Variants in RYR3 observed in about 807,000 individuals in gnomAD.
RYR3 encodes ryanodine receptor 3.
RYR3 carries 207 observed loss-of-function variants against 584.3 expected under a neutral mutation model. The ratio of observed to expected loss-of-function variants is 0.35; its 90% CI spans 0.32 to 0.40. The LOEUF (loss-of-function observed/expected upper bound fraction) is 0.40, where lower values mean the gene tolerates loss of function less well. Among genes scored for constraint, RYR3 ranks in the 10% least tolerant of loss-of-function variants. The pLI is 1.00. For missense variants in RYR3, 5,616 were observed against 6,089.2 expected (o/e 0.92, Z 2.59); for synonymous variants, 2,416 against 2,248.5 (o/e 1.07, Z -2.11).
At chr15:33,566,608 C>A in intron 11 of RYR3, 70 bp from the exon 12 acceptor site, 2 of 1,521,640 alleles carry the variant, frequency 1.3e-6, no homozygotes, top group Non-Finnish European at 1.8e-6. Context: ...GGCAATACTG[C>A]GGGAAATGTT....
At chr15:33,596,025 A>G (rs1373997517) in intron 16 of RYR3, among the ~76,000 whole-genome samples, 2 of 151,836 alleles carry the variant, frequency 1.3e-5, no homozygotes. Context: ...TAAATTTACC[A>G]TACAAGATTC....
intron 86 of RYR3, among the ~76,000 whole-genome samples, chr15:33,832,940 A>G (rs150150028): frequency 0.01 from 1,522 of 150,930 alleles, 16 homozygotes; most frequent in Middle Eastern, 0.017. Flanking sequence ...CCCAGGAGGC[A>G]GAGGTTGGAG....
chr15:33,396,771 G>T (rs2042325238), intron 1 of RYR3, among the ~76,000 whole-genome samples: 1 of 152,186 alleles, frequency 6.6e-6, no homozygotes, highest in Non-Finnish European at 1.5e-5. Context: ...CCGTCAGTGA[G>T]ATAACAAGTG....
At chr15:33,857,220 G>A (rs1374442407) in intron 98 of RYR3, among the ~76,000 whole-genome samples, 1 of 134,198 alleles carries the variant, frequency 7.5e-6, no homozygotes, top group Non-Finnish European at 1.6e-5. Flanking sequence ...TCTGGAGGCG[G>A]TAAGTAAGTC....
rs117424448 is a variant in RYR3 at position 33,793,201 on chromosome 15, G to T, written c.9830+4743G>T. Among the ~76,000 whole-genome samples the T allele has an allele frequency of 7.7e-4, 118 of 152,332 alleles. 2 individuals carry two copies. The East Asian group carries it at 0.022, about 28-fold the overall frequency. ...AAAAGACGCATAGGGAAATGTATGG[G>T]TGTAGGGGAGTGCAGAACCTCTGTG... On this transcript the variant is annotated intron_variant, in intron 67 of 103. Transcript: ENST00000634891.
intron 48 of RYR3, among the ~76,000 whole-genome samples, chr15:33,734,359 A>G (rs2152826594): frequency 6.6e-6 from 1 of 152,360 alleles, no homozygotes; most frequent in East Asian, 1.9e-4. Context: ...TTGCCGCTTC[A>G]AAAGGAAGAT....
chr15:33,498,674 C>T (rs2051664920), intron 2 of RYR3, among the ~76,000 whole-genome samples: 1 of 152,070 alleles, frequency 6.6e-6, no homozygotes, highest in Non-Finnish European at 1.5e-5. Flanking sequence ...TGTGCACAAG[C>T]TTTTTTGATA....
chr15:33,529,590 C>T (rs1404174721), intron 3 of RYR3, among the ~76,000 whole-genome samples: 1 of 152,136 alleles, frequency 6.6e-6, no homozygotes, highest in Non-Finnish European at 1.5e-5. Flanking sequence ...TAATTTTTAT[C>T]TCAAGCTTTA....
chr15:33,746,134 C>A lies in RYR3; in HGVS notation c.7966C>A (p.Pro2656Thr). 6.3e-7 allele frequency: 1 copy of A among 1,597,818 alleles called. No homozygotes were observed. Among genetic ancestry groups the A allele is most frequent in the South Asian group, 1.1e-5 (1 of 87,442 alleles). The change falls in exon 53 of 104, where the codon CCT becomes ACT. Residue 2656 changes from proline (P) to threonine (T), a missense_variant. Physicochemically the swap from Pro to Thr is conservative, Grantham distance 38 (BLOSUM62 -1). Around this residue, in one of 9 missense-constraint regions of RYR3, gnomAD observed 1,280 missense variants for 1,426.2 expected, o/e 0.90. Transcript: ENST00000634891. ...TGTGAAGACCCACCCACTGATAAGGCCTTTCAAGACATTAACGGAGAAGGT... is the reference window on the plus strand; with the variant it reads ...TGTGAAGACCCACCCACTGATAAGGACTTTCAAGACATTAACGGAGAAGGT... ...ENVKTHPLIR[P>T]FKTLTEKEKE... is the part of the protein sequence containing the mutation.
intron 3 of RYR3, among the ~76,000 whole-genome samples, chr15:33,524,249 C>T (rs1340312686): frequency 2.0e-5 from 3 of 152,154 alleles, no homozygotes; most frequent in Non-Finnish European, 2.9e-5. Flanking sequence ...TCATAGGTTT[C>T]CTTATTCTTG....
At position 33,865,285 on chromosome 15, in the gene RYR3, C is replaced by G. The variant is rs200126350; in HGVS notation, c.*59C>G. The G allele has an allele frequency of 8.1e-7, 1 of 1,228,736 alleles. No individual in the cohort carries two copies. The highest frequency in any genetic ancestry group is 2.3e-5 in the East Asian group (1 of 42,580). The allele number at this position is 1,228,736 out of a possible 1,614,324, so 76.1% of individuals were successfully genotyped here. A position where few individuals can be genotyped will look rare whatever the true frequency, so the allele number is the denominator to read the frequency against. On this transcript the variant is annotated 3_prime_UTR_variant, in exon 104 of 104. Transcript: ENST00000634891. ...GTCAACTTCCCATGAAATAAAGTCC[C>G]CTTTTTACAGTTCTGCAACATATCT... is the stretch of plus-strand genomic sequence containing the variant.
chr15:33,692,246 GA>G (rs540740738), intron 38 of RYR3, among the ~76,000 whole-genome samples: 185 of 152,338 alleles, frequency 1.2e-3, no homozygotes, highest in African/African-American at 4.2e-3. Flanking sequence ...AAAATCTGAA[GA>G]ATTTTTAGTA....
At chr15:33,617,732 A>C (rs1222467817) in intron 19 of RYR3, among the ~76,000 whole-genome samples, 1 of 150,788 alleles carries the variant, frequency 6.6e-6, no homozygotes, top group Non-Finnish European at 1.5e-5. Flanking sequence ...TGTTAATAAT[A>C]CCTGATTAGG....
chr15:33,583,247 A>C (rs371237773), intron 14 of RYR3, among the ~76,000 whole-genome samples: 1 of 152,146 alleles, frequency 6.6e-6, no homozygotes, highest in Non-Finnish European at 1.5e-5. Flanking sequence ...TCAAATAGGG[A>C]TATATTTTAG....
intron 38 of RYR3, among the ~76,000 whole-genome samples, chr15:33,672,590 T>G (rs1157004535): frequency 6.6e-6 from 1 of 151,974 alleles, no homozygotes; most frequent in Non-Finnish European, 1.5e-5. Context: ...TTCTAGAGAG[T>G]GGTTTAACAA....
intron 1 of RYR3, among the ~76,000 whole-genome samples, chr15:33,466,809 T>G (rs538703563): frequency 2.0e-5 from 3 of 152,348 alleles, no homozygotes; most frequent in African/African-American, 7.2e-5. Context: ...TTCACTGAAT[T>G]CACAAATATT....
Position 33,838,076 on chromosome 15 carries a change from C to G in RYR3, c.12096C>G (p.Ile4032Met). ...ACTTCGAACCCTACCTAGGACGCAT[C>G]GAGATCATGGGTGGGGCCAAGAAGA... ...LNYFEPYLGR[I>M]EIMGGAKKIE... The change falls in exon 89 of 104, where the codon ATC becomes ATG. Residue 4032 changes from isoleucine (I) to methionine (M), a missense_variant. This residue lies in a region of RYR3 where 258 missense variants were observed against 297.3 expected (regional missense o/e 0.87). Transcript: ENST00000634891. 1 of 1,613,918 alleles carries G rather than the reference C, an allele frequency of 6.2e-7. No homozygotes were observed. The highest frequency in any genetic ancestry group is 8.5e-7 in the Non-Finnish European group (1 of 1,179,896).
rs548847910 is a variant in RYR3, at chr15:33,558,948, G to A, written c.973-3889G>A. Among the ~76,000 whole-genome samples the A allele has an allele frequency of 5.2e-4, 79 of 152,272 alleles. 2 individuals carry two copies. The South Asian group carries it at 0.015, about 28-fold the overall frequency. On this transcript the variant is annotated intron_variant, in intron 10 of 103. Coordinates refer to ENST00000634891, the MANE Select transcript of RYR3 (RefSeq NM_001036.6). Reference sequence around the variant, plus strand: ...GCCTTTTCGTGGTTTCCATAGAAAGGGATGGGCTGGCTAGGCAGGATAAAT... The same window carrying A: ...GCCTTTTCGTGGTTTCCATAGAAAGAGATGGGCTGGCTAGGCAGGATAAAT...
intron 103 of RYR3, chr15:33,864,898 G>T: frequency 2.1e-6 from 1 of 481,314 alleles, no homozygotes; most frequent in Non-Finnish European, 3.7e-6. Context: ...AGTTTTGCTT[G>T]TTTGGGGCAG....
Sources: allele counts gnomAD v4.1 joint callset (sites outside exome capture counted in the v4.1 genomes callset), GRCh38; gene constraint gnomAD v4.1.1; regional missense constraint gnomAD v4.1.1; transcripts MANE v1.5; gene names NCBI Gene and HGNC (gene_info 2026-07-23, HGNC 2026-07-21).